The following TPPP variants were observed in gnomAD, a reference collection of about 807,000 sequenced individuals.
The protein encoded by TPPP is tubulin polymerization promoting protein.
TPPP carries 6 observed loss-of-function variants against 15.5 expected under a neutral mutation model. The ratio of observed to expected loss-of-function variants is 0.39; its 90% CI spans 0.21 to 0.77. The LOEUF (loss-of-function observed/expected upper bound fraction) is 0.77, where lower values mean the gene tolerates loss of function less well. TPPP is among the 30% of genes least tolerant of loss of function. The pLI is 0.42. For synonymous variants in TPPP, 146 were observed against 133.9 expected (o/e 1.09, Z -0.63); for missense variants, 269 against 307.2 (o/e 0.88, Z 0.93).
At chr5:684,654 G>A (rs1450244541) in intron 1 of TPPP, among the ~76,000 whole-genome samples, 2 of 152,116 alleles carry the variant, frequency 1.3e-5, no homozygotes, top group Non-Finnish European at 2.9e-5. Flanking sequence ...CAAGGAACAA[G>A]GTGGCTCAGG....
At chr5:696,886 G>T (rs1263178866), upstream of TPPP, among the ~76,000 whole-genome samples, 1 of 95,924 alleles carries the variant, frequency 1.0e-5, no homozygotes, top group Non-Finnish European at 2.6e-5. Flanking sequence ...GTGTGTCTCT[G>T]TGTGTATGAG....
At chr5:669,658 G>T (rs528863485) in intron 2 of TPPP, among the ~76,000 whole-genome samples, 1 of 152,164 alleles carries the variant, frequency 6.6e-6, no homozygotes, top group Non-Finnish European at 1.5e-5. Flanking sequence ...GTCACTCGGC[G>T]GGAGGGGGAT....
At chr5:673,618 C>T (rs531207643) in intron 2 of TPPP, among the ~76,000 whole-genome samples, 20 of 152,204 alleles carry the variant, frequency 1.3e-4, no homozygotes, top group Non-Finnish European at 2.2e-4. Flanking sequence ...TCAGCCTCAA[C>T]CCCTCGCTGG....
At chr5:668,378 G>T (rs572033860) in intron 2 of TPPP, among the ~76,000 whole-genome samples, 2 of 103,244 alleles carry the variant, frequency 1.9e-5, no homozygotes, top group South Asian at 5.7e-4. Context: ...AGGGGTCCGC[G>T]TGGGCCTCGT....
chr5:673,316 C>T (rs74954929), intron 2 of TPPP, among the ~76,000 whole-genome samples: 4,228 of 152,208 alleles, frequency 0.028, 193 homozygotes, highest in African/African-American at 0.096. Flanking sequence ...CCTGGGAGGT[C>T]AGGACCCCGT....
upstream of TPPP, among the ~76,000 whole-genome samples, chr5:697,960 A>G (rs1313890826): frequency 1.4e-5 from 2 of 144,014 alleles, no homozygotes; most frequent in African/African-American, 5.2e-5. Flanking sequence ...ATAGAACCCA[A>G]CAGCACATCA....
upstream of TPPP, among the ~76,000 whole-genome samples, chr5:697,082 CTGTG>C: frequency 6.7e-6 from 1 of 148,982 alleles, no homozygotes; most frequent in South Asian, 2.2e-4. Flanking sequence ...GTGCACGTGC[CTGTG>C]TGTGTTTGGG....
chr5:666,460 G>A (rs930063592), intron 2 of TPPP, among the ~76,000 whole-genome samples: 4 of 152,208 alleles, frequency 2.6e-5, no homozygotes, highest in African/African-American at 4.8e-5. Flanking sequence ...CAGCTGCGCC[G>A]GGAGCTGGGG....
chr5:682,222 C>T (rs1270336633), intron 1 of TPPP, among the ~76,000 whole-genome samples: 1 of 146,182 alleles, frequency 6.8e-6, no homozygotes, highest in African/African-American at 2.7e-5. Context: ...CATCAGTAAG[C>T]GGGGCCAGGC....
At chr5:684,275 C>G (rs1003294721) in intron 1 of TPPP, among the ~76,000 whole-genome samples, 2 of 152,236 alleles carry the variant, frequency 1.3e-5, no homozygotes, top group Non-Finnish European at 2.9e-5. Context: ...AGCAGCCCCC[C>G]AGTAAATCCG....
upstream of TPPP, among the ~76,000 whole-genome samples, chr5:697,684 G>A (rs1412381090): frequency 6.6e-6 from 1 of 152,024 alleles, no homozygotes; most frequent in Non-Finnish European, 1.5e-5. Flanking sequence ...TGCCAGAAGT[G>A]GCTTCACTTG....
chr5:669,760 C>A (rs1306221286), intron 2 of TPPP, among the ~76,000 whole-genome samples: 1 of 152,080 alleles, frequency 6.6e-6, no homozygotes, highest in Non-Finnish European at 1.5e-5. Context: ...GCGCCCGGGT[C>A]TCTGCCCCAC....
At chr5:697,872 G>GAAAACTCCAACAAAAAAA (rs1741042818), upstream of TPPP, among the ~76,000 whole-genome samples, 1 of 143,884 alleles carries the variant, frequency 7.0e-6, no homozygotes, top group Non-Finnish European at 1.5e-5. Flanking sequence ...ACCAGACAAA[G>GAAAACTCCAACAAAAAAA]GCGCAACAAA....
At chr5:669,488 G>A (rs1010041305) in intron 2 of TPPP, among the ~76,000 whole-genome samples, 4 of 152,074 alleles carry the variant, frequency 2.6e-5, no homozygotes, top group Non-Finnish European at 5.9e-5. Flanking sequence ...GGGGCCCTTG[G>A]GGCCTCTGTC....
At chr5:696,865 T>G (rs1741021402), upstream of TPPP, among the ~76,000 whole-genome samples, 1 of 66,770 alleles carries the variant, frequency 1.5e-5, no homozygotes, top group Admixed American at 1.3e-4. Flanking sequence ...CAGCTGTGTG[T>G]GTGTCTATTT....
intron 1 of TPPP, chr5:692,545 G>A (rs1360382717): frequency 3.1e-6 from 3 of 978,966 alleles, no homozygotes; most frequent in Non-Finnish European, 3.6e-6. Flanking sequence ...CTGCCCGGGA[G>A]GGACAGGCTT....
Position 684,542 on chromosome 5 carries a change from G to GC in TPPP, c.-4-6479dup, listed in dbSNP as rs1289518925. ...TCTCACAGCGGAAGGAGTGGACAGA[G>GC]CCCCTGTGGAGCTCACCCAGCCCTC... On this transcript the variant is annotated intron_variant, in intron 1 of 3. Coordinates refer to ENST00000360578, the MANE Select transcript of TPPP (RefSeq NM_007030.3). Among the ~76,000 whole-genome samples the GC allele has an allele frequency of 4.6e-5, 7 of 151,960 alleles. No individual in the cohort carries two copies. In the South Asian group the frequency reaches 1.5e-3, roughly 32 times the overall value.
At position 661,012 on chromosome 5, in the gene TPPP, A is replaced by G. The variant is rs1204599441; in HGVS notation, c.*4090T>C. On this transcript the variant is annotated 3_prime_UTR_variant, in exon 4 of 4. Transcript: ENST00000360578. ...ATCTTCTACAATATTTTAAACATAT[A>G]ATTTGAACTTTAATTTTGGTAACGC... is the stretch of plus-strand genomic sequence containing the variant. 5 of 152,270 alleles carry G rather than the reference A, an allele frequency of 3.3e-5. No individual in the cohort carries two copies. Among genetic ancestry groups the G allele is most frequent in the Non-Finnish European group, 7.3e-5 (5 of 68,052 alleles). 9.4% of individuals were successfully genotyped at this position (152,270 alleles called of 1,614,324 possible). A position where few individuals can be genotyped will look rare whatever the true frequency, so the allele number is the denominator to read the frequency against.
upstream of TPPP, among the ~76,000 whole-genome samples, chr5:696,791 C>T (rs1339433771): frequency 1.1e-5 from 1 of 92,964 alleles, no homozygotes; most frequent in Non-Finnish European, 2.6e-5. Flanking sequence ...TGTGAATGTG[C>T]ACCTGTATGT....
Sources: allele counts gnomAD v4.1 joint callset (sites outside exome capture counted in the v4.1 genomes callset), GRCh38; gene constraint gnomAD v4.1.1; transcripts MANE v1.5; gene names NCBI Gene and HGNC (gene_info 2026-07-23, HGNC 2026-07-21).